DNM3: variants seen among roughly 807,000 people sequenced by gnomAD.
The protein encoded by DNM3 is dynamin 3, also known as dynamin-3.
DNM3 carries 47 observed loss-of-function variants against 101.6 expected under a neutral mutation model. The ratio of observed to expected loss-of-function variants is 0.46; its 90% confidence interval spans 0.37 to 0.59. The LOEUF (loss-of-function observed/expected upper bound fraction) is 0.59, where lower values mean the gene tolerates loss of function less well. DNM3 is among the 20% of genes least tolerant of loss of function. The pLI is 0.00. For synonymous variants in DNM3, 385 were observed against 387.9 expected (o/e 0.99, Z 0.09); for missense variants, 849 against 1,085.7 (o/e 0.78, Z 3.06).
chr1:172,366,872 A>C (rs756842064), intron 17 of DNM3, among the ~76,000 whole-genome samples: 1 of 151,866 alleles, frequency 6.6e-6, no homozygotes, highest in Admixed American at 6.6e-5. Context: ...TACAGGACCT[A>C]TTGGGACACC....
At chr1:171,922,718 C>T (rs1054294560) in intron 2 of DNM3, among the ~76,000 whole-genome samples, 2 of 152,206 alleles carry the variant, frequency 1.3e-5, no homozygotes, top group Non-Finnish European at 2.9e-5. Context: ...CCCCACCACT[C>T]CAGCCTAGGC....
intron 20 of DNM3, among the ~76,000 whole-genome samples, chr1:172,405,991 G>A (rs2070854115): frequency 6.6e-6 from 1 of 151,780 alleles, no homozygotes; most frequent in African/African-American, 2.4e-5. Flanking sequence ...TTGATTCTAG[G>A]AGGAACTTTC....
intron 12 of DNM3, among the ~76,000 whole-genome samples, chr1:172,082,435 C>A (rs2053230773): frequency 6.6e-6 from 1 of 151,224 alleles, no homozygotes; most frequent in Non-Finnish European, 1.5e-5. Flanking sequence ...TATACGTTAT[C>A]ATGCAAACGT....
intron 13 of DNM3, among the ~76,000 whole-genome samples, chr1:172,100,467 C>T (rs2054557138): frequency 6.6e-6 from 1 of 152,164 alleles, no homozygotes; most frequent in African/African-American, 2.4e-5. Flanking sequence ...AAAAAGGTGA[C>T]AGTTTAATCA....
intron 1 of DNM3, among the ~76,000 whole-genome samples, chr1:171,854,507 T>G (rs901992934): frequency 6.6e-6 from 1 of 151,958 alleles, no homozygotes; most frequent in South Asian, 2.1e-4. Context: ...CCTTTTTTTC[T>G]GAGACAAAGT....
At chr1:172,225,321 G>C (rs1183115960) in intron 14 of DNM3, among the ~76,000 whole-genome samples, 1 of 151,494 alleles carries the variant, frequency 6.6e-6, no homozygotes, top group Non-Finnish European at 1.5e-5. Flanking sequence ...ATTTTTAGTA[G>C]AGACGGGGTT....
chr1:171,901,649 C>A (rs564405384), intron 1 of DNM3, among the ~76,000 whole-genome samples: 9 of 152,260 alleles, frequency 5.9e-5, no homozygotes, highest in South Asian at 2.1e-4. Context: ...GGTTACCAGA[C>A]CCCTCTGTAA....
chr1:171,974,726 T>A (rs943491298), intron 2 of DNM3, among the ~76,000 whole-genome samples: 2 of 152,236 alleles, frequency 1.3e-5, no homozygotes, highest in African/African-American at 4.8e-5. Flanking sequence ...AAGGGAAACT[T>A]CTAAATATTT....
chr1:172,269,890 C>T (rs146852564), intron 15 of DNM3, among the ~76,000 whole-genome samples: 92 of 152,056 alleles, frequency 6.1e-4, no homozygotes, highest in African/African-American at 1.8e-3. Flanking sequence ...AGCAGGATTG[C>T]GAAAATATCC....
chr1:171,874,575 C>G (rs1017314007), intron 1 of DNM3, among the ~76,000 whole-genome samples: 16 of 152,092 alleles, frequency 1.1e-4, no homozygotes, highest in African/African-American at 3.9e-4. Flanking sequence ...TCATATAGTT[C>G]ATTACATGGC....
At chr1:172,355,266 A>C (rs2067392434) in intron 17 of DNM3, among the ~76,000 whole-genome samples, 1 of 152,132 alleles carries the variant, frequency 6.6e-6, no homozygotes, top group South Asian at 2.1e-4. Flanking sequence ...CAAAGCCATC[A>C]TGAGTAAGTC....
intron 14 of DNM3, chr1:172,138,633 T>G (rs2057391769): frequency 4.6e-6 from 1 of 217,002 alleles, no homozygotes; most frequent in Admixed American, 5.3e-5. Flanking sequence ...CTCACTTTAC[T>G]TTTGGTGGGT....
chr1:172,157,674 T>C (rs560620546), intron 14 of DNM3, among the ~76,000 whole-genome samples: 23 of 152,184 alleles, frequency 1.5e-4, no homozygotes, highest in African/African-American at 5.5e-4. Context: ...AACAATATGA[T>C]ATAACAACTA....
In DNM3 at chr1:172,407,813, G is replaced by A. The variant is rs183558699; in HGVS notation, c.2564G>A (p.Arg855His). ...TCACCAACTCGTCCCACTATAATCC[G>A]CCCACTAGAATCCTCCCTGTTAGAC... The part of the protein sequence containing the change: ...PPSPTRPTII[R>H]PLESSLLD The change falls in exon 21 of 21, where the codon CGC becomes CAC. Residue 855 changes from arginine (R) to histidine (H), a missense_variant. Coordinates refer to ENST00000627582, the MANE Select transcript of DNM3 (RefSeq NM_015569.5). 9.3e-6 allele frequency: 15 copies of A among 1,613,040 alleles called. No individual in the cohort carries two copies. The East Asian group carries it at 1.3e-4, about 14-fold the overall frequency.
At chr1:171,850,098 G>A (rs1375144853) in intron 1 of DNM3, among the ~76,000 whole-genome samples, 2 of 152,170 alleles carry the variant, frequency 1.3e-5, no homozygotes, top group African/African-American at 4.8e-5. Flanking sequence ...TCTAGTTGGC[G>A]AAGCAGGACT....
chr1:172,142,772 A>G (rs892648919), intron 14 of DNM3, among the ~76,000 whole-genome samples: 1 of 151,558 alleles, frequency 6.6e-6, no homozygotes, highest in Admixed American at 6.6e-5. Flanking sequence ...TTTGAGAAAA[A>G]CATTACCAAA....
Position 171,987,824 on chromosome 1 carries a change from T to C in DNM3, c.385+19T>C, listed in dbSNP as rs2045367636. 1 of 1,527,400 alleles carries C rather than the reference T, an allele frequency of 6.5e-7. No homozygotes were observed. The highest frequency in any genetic ancestry group is 8.8e-7 in the Non-Finnish European group (1 of 1,142,032). The allele number at this position is 1,527,400 out of a possible 1,614,324, so 94.6% of individuals were successfully genotyped here. A position where few individuals can be genotyped will look rare whatever the true frequency, so the allele number is the denominator to read the frequency against. On this transcript the variant is annotated intron_variant, in intron 3 of 20. Coordinates refer to ENST00000627582, the MANE Select transcript of DNM3 (RefSeq NM_015569.5). ...CCACACGGTAAGTAAAATAATAAAA[T>C]TCCAAATTCTTCTCCTCAAACATTT... is the stretch of plus-strand genomic sequence containing the variant.
At chr1:172,110,831 T>C (rs2055415807) in intron 13 of DNM3, among the ~76,000 whole-genome samples, 1 of 151,956 alleles carries the variant, frequency 6.6e-6, no homozygotes, top group South Asian at 2.1e-4. Flanking sequence ...AGCCCAGGAG[T>C]TGGAGACAAG....
rs574680623 is a variant in DNM3, at chr1:172,236,265, T to C, written c.1660-17308T>C. ...CAGAGCAGCTAAGTGTTCTTTTAAA[T>C]AAGACGTGCCATGTCTCATGTCAAG... On this transcript the variant is annotated intron_variant, in intron 14 of 20. Transcript: ENST00000627582. Among the ~76,000 whole-genome samples, 51 of 152,216 alleles carry C rather than the reference T, an allele frequency of 3.4e-4. 1 individual carries two copies. The highest frequency in any genetic ancestry group is 1.1e-3 in the African/African-American group (47 of 41,542).
Sources: gnomAD v4.1 joint callset for allele counts (sites outside exome capture counted in the v4.1 genomes callset) on GRCh38, gnomAD v4.1.1 for gene constraint, MANE v1.5 for transcripts, NCBI Gene and HGNC (gene_info 2026-07-23, HGNC 2026-07-21) for gene names.